The following PLA2G6 variants were observed in gnomAD, a reference collection of about 807,000 sequenced individuals.
The protein encoded by PLA2G6 is phospholipase A2 group VI, also known as 85/88 kDa calcium-independent phospholipase A2.
A neutral mutation model predicts 83.8 loss-of-function variants in PLA2G6; 62 were observed. That is an observed-to-expected ratio of 0.74 (90% CI 0.60 to 0.91). The LOEUF (loss-of-function observed/expected upper bound fraction) is 0.91. Ranked by LOEUF, PLA2G6 falls within the 40% of genes least tolerant of loss-of-function variation. PLA2G6 has a pLI of 0.00. For missense variants in PLA2G6, 944 were observed against 1,102.0 expected (o/e 0.86, Z 2.03); for synonymous variants, 417 against 449.8 (o/e 0.93, Z 0.92).
chr22:38,177,045 A>T (rs1335059150), intron 1 of PLA2G6, among the ~76,000 whole-genome samples: 1 of 150,832 alleles, frequency 6.6e-6, no homozygotes, highest in Non-Finnish European at 1.5e-5. Context: ...ACTGTCTCAA[A>T]AAAAAAAAAA....
In PLA2G6 at chr22:38,128,993, G is replaced by A. The variant is rs1383508871; in HGVS notation, c.1186+461C>T. Among the ~76,000 whole-genome samples the A allele has an allele frequency of 2.6e-5, 4 of 152,260 alleles. No individual in the cohort carries two copies. The East Asian group carries it at 7.7e-4, about 29-fold the overall frequency. On this transcript the variant is annotated intron_variant, in intron 8 of 16. Transcript: ENST00000332509. The surrounding 1 kb of genome is among the most constrained non-coding windows in gnomAD (Gnocchi z 4.4). ...GCCTCTGGTGAGGAGGATCTGCTCT[G>A]TCCAGCTCTGAAGCTAAGGCTCACT...
chr22:38,169,576 G>A (rs186941313), intron 1 of PLA2G6, 105 bp from the exon 2 acceptor site: 13 of 700,120 alleles, frequency 1.9e-5, no homozygotes, highest in Non-Finnish European at 3.1e-5. Flanking sequence ...CCCCACCAGC[G>A]TTGTCCCCAG....
At chr22:38,161,948 T>C (rs917152137) in intron 2 of PLA2G6, among the ~76,000 whole-genome samples, 1 of 152,062 alleles carries the variant, frequency 6.6e-6, no homozygotes, top group African/African-American at 2.4e-5. Context: ...TTCATGCCTG[T>C]AATCCCAGCA....
At chr22:38,136,849 T>C (rs964585718) in intron 5 of PLA2G6, 14 of 150,708 alleles carry the variant, frequency 9.3e-5, no homozygotes, top group African/African-American at 3.4e-4. Context: ...ACTTAATCTC[T>C]CTAAGCCCTG....
intron 4 of PLA2G6, chr22:38,142,193 TCAAAAAAAAAAAA>T (rs1190112200): frequency 2.8e-5 from 1 of 36,006 alleles, no homozygotes; most frequent in African/African-American, 1.1e-4. Context: ...AAACTCTGTC[TCAAAAAAAAAAAA>T]AAAAAAAAAA....
intron 9 of PLA2G6, 111 bp from the exon 10 acceptor site, chr22:38,126,560 A>AT: frequency 1.3e-6 from 1 of 751,972 alleles, no homozygotes; most frequent in Admixed American, 1.9e-5. Flanking sequence ...CCACGCCCTC[A>AT]TCCCCCCACT....
chr22:38,173,759 G>A (rs1169422863), intron 1 of PLA2G6, among the ~76,000 whole-genome samples: 1 of 152,118 alleles, frequency 6.6e-6, no homozygotes, highest in Non-Finnish European at 1.5e-5. Context: ...TGTTCAAAGG[G>A]CAAATTAAGG....
chr22:38,118,176 A>C (rs956594553), intron 12 of PLA2G6, among the ~76,000 whole-genome samples: 9 of 152,244 alleles, frequency 5.9e-5, no homozygotes, highest in African/African-American at 2.2e-4. Context: ...ACTGAGAGTC[A>C]GGCAGGCCAC....
Position 38,129,511 on chromosome 22 carries a change from C to A in PLA2G6, c.1129G>T (p.Asp377Tyr). 3 of 1,614,116 alleles carry A rather than the reference C, an allele frequency of 1.9e-6. No individual in the cohort carries two copies. The highest frequency in any genetic ancestry group is 2.2e-5 in the South Asian group (2 of 91,090). Reference protein sequence around the residue: ...KALIVFGAEVDTPNDFGETPT... With the variant: ...KALIVFGAEVYTPNDFGETPT... Reference sequence around the variant, plus strand: ...GTCTCCCCAAAGTCATTCGGGGTGTCCACTTCTGCTCCGAACACGATGAGG... The same window carrying A: ...GTCTCCCCAAAGTCATTCGGGGTGTACACTTCTGCTCCGAACACGATGAGG... The change falls in exon 8 of 17, where the codon GAC (aspartate) becomes TAC (tyrosine). Residue 377 changes from aspartate to tyrosine, a missense_variant. Physicochemically the swap from Asp to Tyr is radical, Grantham distance 160. Transcript: ENST00000332509.
intron 2 of PLA2G6, among the ~76,000 whole-genome samples, chr22:38,166,674 A>T (rs1364468875): frequency 1.3e-5 from 2 of 152,166 alleles, no homozygotes; most frequent in Admixed American, 1.3e-4. Flanking sequence ...GGTTGCTGTA[A>T]GCCAAGATCA....
chr22:38,164,976 C>G (rs1468757308), intron 2 of PLA2G6, among the ~76,000 whole-genome samples: 1 of 152,082 alleles, frequency 6.6e-6, no homozygotes, highest in Non-Finnish European at 1.5e-5. Flanking sequence ...TCCTCCACAG[C>G]CTCGACCCCA....
rs745939189 is a variant in PLA2G6, at chr22:38,132,870, G to A, written c.1038C>T (p.Arg346=). 4.6e-5 allele frequency: 71 copies of A among 1,552,410 alleles called. No individual in the cohort carries two copies. In the Admixed American group the frequency reaches 8.1e-4, roughly 18 times the overall value. ...GCAGCGGGGTGTTGCCGTGCTCTCC[G>A]CGGGCATCCGCGTTGGCCCCGTGGG... ...LLTHGANADA[R]GEHGNTPLHL... is the part of the protein sequence containing the mutation. The change falls in exon 7 of 17, where the codon CGC becomes CGT. Residue 346 remains arginine (R), a synonymous_variant. Transcript: ENST00000332509. This position sits in a 1 kb window ranked among gnomAD's most constrained non-coding sequence, Gnocchi z 5.0.
chr22:38,139,423 A>ATTTT (rs1306886050), intron 5 of PLA2G6: 1 of 148,408 alleles, frequency 6.7e-6, no homozygotes, highest in Non-Finnish European at 1.5e-5. Flanking sequence ...ATTTTTATTT[A>ATTTT]TTTATTTATT....
At chr22:38,156,704 C>T (rs1003254121) in intron 2 of PLA2G6, among the ~76,000 whole-genome samples, 6 of 152,098 alleles carry the variant, frequency 3.9e-5, no homozygotes, top group Non-Finnish European at 8.8e-5. Flanking sequence ...CTGCCTGCCT[C>T]GGCCTCCCAA....
At position 38,115,518 on chromosome 22, in the gene PLA2G6, G is replaced by A. The variant is rs202193870; in HGVS notation, c.2034+9C>T. 2.5e-5 allele frequency: 40 copies of A among 1,611,866 alleles called. No individual in the cohort carries two copies. In the East Asian group the frequency reaches 3.1e-4, roughly 13 times the overall value. Reference sequence around the variant, plus strand: ...AGTGGGTCCAGGCCCTCTGGCCTACGGCACTCACCTTGCGGATCAGGTCCT... The same window carrying A: ...AGTGGGTCCAGGCCCTCTGGCCTACAGCACTCACCTTGCGGATCAGGTCCT... On this transcript the variant is annotated intron_variant, in intron 14 of 16. Coordinates refer to ENST00000332509, the MANE Select transcript of PLA2G6 (RefSeq NM_003560.4).
chr22:38,179,272 G>C (rs1027767288), intron 1 of PLA2G6, among the ~76,000 whole-genome samples: 1 of 152,102 alleles, frequency 6.6e-6, no homozygotes, highest in Admixed American at 6.5e-5. Context: ...TGAGAGGAGA[G>C]GCCACTGCAA....
At chr22:38,169,088 C>A (rs2090334601) in intron 2 of PLA2G6, 130 bp downstream of exon 2, 3 of 760,672 alleles carry the variant, frequency 3.9e-6, no homozygotes, top group Non-Finnish European at 6.9e-6. Context: ...ACAGTCTCCC[C>A]TCTCTCCCAC....
intron 2 of PLA2G6, 131 bp from the exon 3 acceptor site, chr22:38,145,784 A>AAC (rs132936): frequency 0.095 from 45,084 of 476,134 alleles, 846 homozygotes; most frequent in Middle Eastern, 0.1. Context: ...CTCCCAAGCA[A>AAC]ACACACACAC....
At chr22:38,142,365 G>A (rs554258144) in intron 4 of PLA2G6, 4 of 152,768 alleles carry the variant, frequency 2.6e-5, no homozygotes, top group African/African-American at 2.4e-5. Context: ...ATATGAAATA[G>A]CTATTTAATA....
Sources: allele counts gnomAD v4.1 joint callset (sites outside exome capture counted in the v4.1 genomes callset), GRCh38; gene constraint gnomAD v4.1.1; non-coding constraint Gnocchi (gnomAD v3.1); transcripts MANE v1.5; gene names NCBI Gene and HGNC (gene_info 2026-07-23, HGNC 2026-07-21).